Variants in ERBB4 observed in about 807,000 individuals in gnomAD.
The protein encoded by ERBB4 is receptor tyrosine-protein kinase erbB-4.
In ERBB4, 42 loss-of-function variants were observed where a neutral mutation model predicts 158.0. The ratio of observed to expected loss-of-function variants is 0.27; its 90% CI spans 0.21 to 0.34. The LOEUF (loss-of-function observed/expected upper bound fraction) is 0.34, where lower values mean the gene tolerates loss of function less well. Ranked by LOEUF, ERBB4 falls within the 10% of genes least tolerant of loss-of-function variation. The probability of loss-of-function intolerance (pLI) is 1.00; values close to 1 mark genes in which losing one functional copy is unlikely to be tolerated. For synonymous variants in ERBB4, 583 were observed against 558.7 expected, an observed-to-expected ratio of 1.04 and a Z score of -0.61; for missense variants, 1,333 against 1,624.1, an observed-to-expected ratio of 0.82 and a Z score of 3.08.
At position 211,429,516 on chromosome 2, in the gene ERBB4, T is replaced by G. The variant is rs565643902; in HGVS notation, c.2644-1033A>C. Among the ~76,000 whole-genome samples, 29 of 152,360 alleles carry G rather than the reference T, an allele frequency of 1.9e-4. No homozygotes were observed. The East Asian group carries it at 4.2e-3, about 22-fold the overall frequency. On this transcript the variant is annotated intron_variant, in intron 21 of 27. Coordinates refer to ENST00000342788, the MANE Select transcript of ERBB4 (RefSeq NM_005235.3). ...AAACATCTCAACCCACATATCCTGC[T>G]GATGATGGGTCAGCAGAATGAGTTT... is the stretch of plus-strand genomic sequence containing the variant.
intron 20 of ERBB4, among the ~76,000 whole-genome samples, chr2:211,495,342 TATA>T (rs2065443850): frequency 6.6e-6 from 1 of 152,152 alleles, no homozygotes; most frequent in African/African-American, 2.4e-5. Flanking sequence ...TATTATTTCT[TATA>T]ATGACTAATA....
chr2:212,115,400 T>C (rs1305153939), intron 2 of ERBB4, among the ~76,000 whole-genome samples: 3 of 152,114 alleles, frequency 2.0e-5, no homozygotes, highest in African/African-American at 7.2e-5. Flanking sequence ...AATGAAAATA[T>C]ATGTAGTATA....
rs556221136 is a variant in ERBB4 at position 212,048,939 on chromosome 2, T to C, written c.234+75813A>G. On this transcript the variant is annotated intron_variant, in intron 2 of 27. Coordinates refer to ENST00000342788, the MANE Select transcript of ERBB4 (RefSeq NM_005235.3). ...GGAGTTGAATTCTGTCATCAACCAG[T>C]TGGGTTGGAAGAGAACCCAGAGCTG... Among the ~76,000 whole-genome samples, 3 of 152,320 alleles carry C rather than the reference T, an allele frequency of 2.0e-5. No individual in the cohort carries two copies. In the East Asian group the frequency reaches 5.8e-4, roughly 29 times the overall value.
At chr2:211,413,915 C>T (rs949096297) in intron 25 of ERBB4, among the ~76,000 whole-genome samples, 9 of 151,706 alleles carry the variant, frequency 5.9e-5, no homozygotes, top group East Asian at 3.9e-4. Context: ...CCACCACACA[C>T]GAGATAAAGA....
intron 4 of ERBB4, among the ~76,000 whole-genome samples, chr2:211,763,174 T>TA (rs2106245672): frequency 6.6e-6 from 1 of 152,290 alleles, no homozygotes; most frequent in Non-Finnish European, 1.5e-5. Flanking sequence ...CCCATATTTG[T>TA]ACATTTTATC....
chr2:211,511,973 T>C (rs1392458104), intron 20 of ERBB4, among the ~76,000 whole-genome samples: 1 of 152,130 alleles, frequency 6.6e-6, no homozygotes, highest in Non-Finnish European at 1.5e-5. Flanking sequence ...AGACATTGTA[T>C]ACCAGAGGGT....
At position 212,221,292 on chromosome 2, in the gene ERBB4, G is replaced by T. The variant is rs114864215; in HGVS notation, c.83-96389C>A. Among the ~76,000 whole-genome samples, 516 of 151,680 alleles carry T rather than the reference G, an allele frequency of 3.4e-3. 2 individuals are homozygous for T. Among genetic ancestry groups the T allele is most frequent in the African/African-American group, 0.012 (500 of 41,520 alleles). ...CTCATGTAATTACTAAGCATTAAAT[G>T]AATATGTAACTTTCATCAATATACA... On this transcript the variant is annotated intron_variant, in intron 1 of 27. Transcript: ENST00000342788.
chr2:212,356,372 C>T (rs2089462890), intron 1 of ERBB4, among the ~76,000 whole-genome samples: 1 of 151,916 alleles, frequency 6.6e-6, no homozygotes, highest in Non-Finnish European at 1.5e-5. Context: ...AGATGTCCCA[C>T]CCTAAATTCT....
intron 2 of ERBB4, among the ~76,000 whole-genome samples, chr2:211,949,912 T>C (rs1339172828): frequency 1.3e-5 from 2 of 152,176 alleles, no homozygotes; most frequent in African/African-American, 4.8e-5. Context: ...AGATTTAGTA[T>C]TCGTAACCTG....
intron 1 of ERBB4, among the ~76,000 whole-genome samples, chr2:212,484,142 A>G (rs1449670184): frequency 6.6e-6 from 1 of 152,224 alleles, no homozygotes; most frequent in East Asian, 1.9e-4. Flanking sequence ...AAAGCTAAAA[A>G]TAAAAACTCA....
chr2:212,434,694 C>A (rs2092099605), intron 1 of ERBB4, among the ~76,000 whole-genome samples: 2 of 151,998 alleles, frequency 1.3e-5, no homozygotes, highest in South Asian at 4.2e-4. Flanking sequence ...AGAACATGTT[C>A]CATTCTCCTT....
chr2:212,324,214 T>C (rs980230609), intron 1 of ERBB4, among the ~76,000 whole-genome samples: 2 of 150,512 alleles, frequency 1.3e-5, no homozygotes, highest in African/African-American at 2.4e-5. Flanking sequence ...GCAGGTAACA[T>C]AGTTAAGCCT....
At chr2:211,824,701 T>C (rs116329744) in intron 3 of ERBB4, among the ~76,000 whole-genome samples, 1,947 of 151,584 alleles carry the variant, frequency 0.013, 45 homozygotes, top group African/African-American at 0.044. Context: ...ATGATTTGAT[T>C]GTCAAAATTA....
chr2:211,768,982 C>T (rs1349843192), intron 4 of ERBB4, among the ~76,000 whole-genome samples: 1 of 152,198 alleles, frequency 6.6e-6, no homozygotes, highest in Non-Finnish European at 1.5e-5. Flanking sequence ...CCTTTTTAAA[C>T]ATAAGTTCAA....
chr2:212,339,357 A>G (rs2088595459), intron 1 of ERBB4, among the ~76,000 whole-genome samples: 1 of 152,156 alleles, frequency 6.6e-6, no homozygotes, highest in African/African-American at 2.4e-5. Flanking sequence ...TCATTATTTA[A>G]AAGAGTACAA....
At chr2:211,787,914 A>G (rs1045117437) in intron 4 of ERBB4, 111 bp downstream of exon 4, 1 of 1,034,304 alleles carries the variant, frequency 9.7e-7, no homozygotes, top group African/African-American at 1.6e-5. Context: ...TGAACATTTC[A>G]ATGAATGCAA....
intron 3 of ERBB4, among the ~76,000 whole-genome samples, chr2:211,875,962 A>T (rs1165551031): frequency 6.6e-6 from 1 of 152,188 alleles, no homozygotes. Context: ...AGATTTGTGT[A>T]AATACACTCT....
At chr2:211,459,158 T>C (rs145505501) in intron 20 of ERBB4, among the ~76,000 whole-genome samples, 6 of 152,300 alleles carry the variant, frequency 3.9e-5, no homozygotes, top group African/African-American at 1.4e-4. Flanking sequence ...TTATATAGCA[T>C]GCATATGCTA....
intron 1 of ERBB4, among the ~76,000 whole-genome samples, chr2:212,365,648 T>C (rs548657613): frequency 6.6e-6 from 1 of 152,044 alleles, no homozygotes; most frequent in South Asian, 2.1e-4. Flanking sequence ...TAGGAAATAT[T>C]ATCTTTGATA....
Sources: allele counts gnomAD v4.1 joint callset (sites outside exome capture counted in the v4.1 genomes callset), GRCh38; gene constraint gnomAD v4.1.1; transcripts MANE v1.5; gene names NCBI Gene and HGNC (gene_info 2026-07-23, HGNC 2026-07-21).